GCFC2: variants seen among roughly 807,000 people sequenced by gnomAD.
The protein encoded by GCFC2 is intron Large complex component GCFC2.
Under a neutral mutation model 99.4 loss-of-function variants are expected in GCFC2, and 102 were observed. The ratio of observed to expected loss-of-function variants is 1.03; its 90% confidence interval spans 0.87 to 1.21. GCFC2 has a LOEUF of 1.21. Ranked by LOEUF, GCFC2 falls within the 50% of genes most tolerant of loss-of-function variation. The probability of loss-of-function intolerance (pLI) is 0.00; values close to 1 mark genes in which losing one functional copy is unlikely to be tolerated. For missense variants in GCFC2, 973 were observed against 920.9 expected (o/e 1.06, Z -0.73); for synonymous variants, 338 against 316.8 (o/e 1.07, Z -0.71).
intron 5 of GCFC2, among the ~76,000 whole-genome samples, chr2:75,695,956 A>G (rs1437411685): frequency 2.6e-5 from 4 of 152,238 alleles, no homozygotes; most frequent in East Asian, 1.9e-4. Flanking sequence ...TTTCCATTCA[A>G]TATTTTTGGA....
Position 75,665,950 on chromosome 2 carries a change from T to A in GCFC2, c.2207A>T (p.Lys736Ile). The change falls in exon 16 of 17, where the codon AAA (lysine) becomes ATA (isoleucine). Residue 736 changes from lysine to isoleucine, a missense_variant. Transcript: ENST00000321027. Reference protein sequence around the residue: ...FIQFLLQSAHKLSRSEFRDEV... With the variant: ...FIQFLLQSAHILSRSEFRDEV... ...TTACCTGAATTCACTTCTAGATAATTTATGTGCAGACTGCAATAAAAACTG... is the reference window on the plus strand; with the variant it reads ...TTACCTGAATTCACTTCTAGATAATATATGTGCAGACTGCAATAAAAACTG... 3 of 1,594,196 alleles carry A rather than the reference T, an allele frequency of 1.9e-6. No homozygotes were observed. In the African/African-American group the frequency reaches 4.0e-5, roughly 21 times the overall value.
intron 15 of GCFC2, 144 bp from the exon 16 acceptor site, chr2:75,666,197 C>A: frequency 1.7e-6 from 1 of 590,666 alleles, no homozygotes; most frequent in Non-Finnish European, 2.8e-6. Context: ...AAAGATTTCC[C>A]TTTGTGTCCA....
At chr2:75,691,860 T>TAG (rs144955620) in intron 7 of GCFC2, 117 bp downstream of exon 7, 4 of 467,572 alleles carry the variant, frequency 8.6e-6, no homozygotes, top group Non-Finnish European at 1.3e-5. Flanking sequence ...AGTTGGTGGG[T>TAG]AAAGGGTTTG....
Position 75,664,630 on chromosome 2 carries a change from T to G in GCFC2, c.*36A>C, listed in dbSNP as rs1678745068. 9 of 884,392 alleles carry G rather than the reference T, an allele frequency of 1.0e-5. No individual in the cohort carries two copies. The highest frequency in any genetic ancestry group is 1.7e-5 in the Non-Finnish European group (9 of 534,982). The allele number at this position is 884,392 out of a possible 1,614,324, so 54.8% of individuals were successfully genotyped here. On this transcript the variant is annotated 3_prime_UTR_variant, in exon 17 of 17. Coordinates refer to ENST00000321027, the MANE Select transcript of GCFC2 (RefSeq NM_003203.5). ...CTCAAACAAAGGAACTGAGTGTAAC[T>G]ATATTAAAATTTTAGCATTTTCCAA...
In GCFC2 at chr2:75,701,260, TCTTCA is replaced by T. The variant is rs772171133; in HGVS notation, c.642_646del (p.Ser214ArgfsTer6). On this transcript the variant is annotated frameshift_variant, in exon 4 of 17. Transcript: ENST00000321027. LOFTEE classifies it high-confidence loss of function. Reference sequence around the variant, plus strand: ...ATCTTGCTTTTCATCTTCCTGACTTTCTTCACTTGTTTCTTCATTTCTGCTTACTA... The same window carrying T: ...ATCTTGCTTTTCATCTTCCTGACTTTCTTGTTTCTTCATTTCTGCTTACTA... 1.4e-5 allele frequency: 23 copies of T among 1,606,656 alleles called. No individual in the cohort carries two copies. The highest frequency in any genetic ancestry group is 1.1e-4 in the South Asian group (10 of 90,886).
intron 10 of GCFC2, among the ~76,000 whole-genome samples, chr2:75,688,344 T>A (rs534952261): frequency 1.3e-5 from 2 of 152,208 alleles, no homozygotes; most frequent in African/African-American, 4.8e-5. Context: ...AAAAAATTCA[T>A]CCACTTCAAG....
At chr2:75,681,709 T>G (rs549257587) in intron 11 of GCFC2, among the ~76,000 whole-genome samples, 25 of 151,988 alleles carry the variant, frequency 1.6e-4, no homozygotes, top group Admixed American at 1.6e-3. Flanking sequence ...AAATTCTCAC[T>G]GCCAGCACAG....
chr2:75,673,626 C>G (rs1679221674), intron 12 of GCFC2, 106 bp from the exon 13 acceptor site: 4 of 637,764 alleles, frequency 6.3e-6, no homozygotes, highest in East Asian at 5.5e-5. Context: ...CTCACATAAC[C>G]AGCTGTTAAA....
chr2:75,710,975 G>A (rs994403121), upstream of GCFC2: 2 of 1,366,194 alleles, frequency 1.5e-6, no homozygotes, highest in Non-Finnish European at 1.9e-6. Flanking sequence ...CGCCCGTCCC[G>A]CCTGCCTTCT....
intron 8 of GCFC2, 150 bp downstream of exon 8, chr2:75,690,488 G>A (rs2104341979): frequency 3.4e-6 from 2 of 593,270 alleles, no homozygotes; most frequent in East Asian, 3.0e-5. Flanking sequence ...AGTCAAGGGT[G>A]GTTTTACTAA....
intron 2 of GCFC2, among the ~76,000 whole-genome samples, chr2:75,703,736 C>T (rs995672998): frequency 6.6e-6 from 1 of 152,148 alleles, no homozygotes. Flanking sequence ...GCTTGACATA[C>T]CCAGGCCTCT....
At position 75,670,077 on chromosome 2, in the gene GCFC2, T is replaced by C. The variant is rs1347220754; in HGVS notation, c.2103+61A>G. On this transcript the variant is annotated intron_variant, in intron 15 of 16. Transcript: ENST00000321027. ...TTTAATTATTTTGCTAAATAATAGA[T>C]TTTAATAGCTAAATTTTTTAGAAAT... 4.1e-5 allele frequency: 47 copies of C among 1,156,954 alleles called. No individual in the cohort carries two copies. The South Asian group carries it at 6.0e-4, about 15-fold the overall frequency. 71.7% of individuals were successfully genotyped at this position (1,156,954 alleles called of 1,614,324 possible).
At chr2:75,672,264 TTATATATTTATAAATATGTTTATAAAA>T (rs1679134439) in intron 13 of GCFC2, among the ~76,000 whole-genome samples, 1 of 126,136 alleles carries the variant, frequency 7.9e-6, no homozygotes, top group Non-Finnish European at 1.6e-5. Context: ...AAATATATAT[TTATATATTTATAAATATGTTTATAAAA>T]TATATATTTA....
At chr2:75,689,869 G>A in intron 9 of GCFC2, 100 bp downstream of exon 9, 2 of 671,390 alleles carry the variant, frequency 3.0e-6, no homozygotes, top group Non-Finnish European at 5.2e-6. Context: ...TTACCCAACT[G>A]TTTTATATAG....
intron 6 of GCFC2, among the ~76,000 whole-genome samples, 160 bp from the exon 7 acceptor site, chr2:75,692,260 C>T (rs1680116497): frequency 6.6e-6 from 1 of 151,724 alleles, no homozygotes; most frequent in African/African-American, 2.4e-5. Flanking sequence ...AAGTATAAAA[C>T]ATTGTGTGCA....
intron 1 of GCFC2, among the ~76,000 whole-genome samples, chr2:75,708,501 C>CTTTTTTTT (rs34414596): frequency 3.8e-5 from 3 of 78,642 alleles, no homozygotes; most frequent in Non-Finnish European, 4.9e-5. Context: ...CATTTGGCAA[C>CTTTTTTTT]TTTTTTTTTT....
intron 4 of GCFC2, chr2:75,698,118 A>T (rs753570951): frequency 1.3e-5 from 2 of 152,262 alleles, no homozygotes; most frequent in Non-Finnish European, 2.9e-5. Context: ...TGAAAATCAA[A>T]TAAGTGTGAG....
intron 11 of GCFC2, among the ~76,000 whole-genome samples, chr2:75,685,408 A>G (rs1263523230): frequency 6.6e-6 from 1 of 152,156 alleles, no homozygotes; most frequent in East Asian, 1.9e-4. Flanking sequence ...AGCAAATCAC[A>G]GATGACATTC....
At chr2:75,708,612 A>C (rs186358689) in intron 1 of GCFC2, among the ~76,000 whole-genome samples, 1 of 148,768 alleles carries the variant, frequency 6.7e-6, no homozygotes, top group Admixed American at 6.9e-5. Context: ...CCCGGGTTCA[A>C]GTGATTCTCT....
Sources: allele counts gnomAD v4.1 joint callset (sites outside exome capture counted in the v4.1 genomes callset), GRCh38; gene constraint gnomAD v4.1.1; transcripts MANE v1.5; gene names NCBI Gene and HGNC (gene_info 2026-07-23, HGNC 2026-07-21).